The following ARHGEF28 variants were observed in gnomAD, a reference collection of about 807,000 sequenced individuals.
ARHGEF28 encodes the protein Rho guanine nucleotide exchange factor 28.
Under a neutral mutation model 206.6 loss-of-function variants are expected in ARHGEF28, and 152 were observed. The ratio of observed to expected loss-of-function variants is 0.74; its 90% CI spans 0.64 to 0.84. ARHGEF28 has a LOEUF of 0.84. Among genes scored for constraint, ARHGEF28 ranks in the 40% least tolerant of loss-of-function variants. The probability of loss-of-function intolerance (pLI) is 0.00; values close to 1 mark genes in which losing one functional copy is unlikely to be tolerated. For missense variants in ARHGEF28, 2,028 were observed against 2,073.2 expected (o/e 0.98, Z 0.42); for synonymous variants, 763 against 776.4 (o/e 0.98, Z 0.29).
intron 1 of ARHGEF28, among the ~76,000 whole-genome samples, chr5:73,641,677 C>T (rs1158932208): frequency 1.3e-5 from 2 of 152,116 alleles, no homozygotes; most frequent in Non-Finnish European, 2.9e-5. Context: ...ATTAGCAAAG[C>T]CTCTGAACAT....
At position 73,783,345 on chromosome 5, in the gene ARHGEF28, AGTGTGTGTGTGTGTGT is replaced by A. The variant is rs57320048; in HGVS notation, c.910+2625_910+2640del. Among the ~76,000 whole-genome samples, 27 of 145,910 alleles carry A rather than the reference AGTGTGTGTGTGTGTGT, an allele frequency of 1.9e-4. 1 individual carries two copies. The highest frequency in any genetic ancestry group is 6.8e-4 in the Admixed American group (10 of 14,642). ...AGCTCATTTTGAAGCCCTGGAATAT[AGTGTGTGTGTGTGTGT>A]GTGTGTGTGTGTGTGTGTGTGTGTA... On this transcript the variant is annotated intron_variant, in intron 7 of 35. Coordinates refer to ENST00000513042, the MANE Select transcript of ARHGEF28 (RefSeq NM_001177693.2).
chr5:73,834,727 C>T (rs1281988474), intron 10 of ARHGEF28, among the ~76,000 whole-genome samples: 1 of 151,886 alleles, frequency 6.6e-6, no homozygotes, highest in Non-Finnish European at 1.5e-5. Flanking sequence ...CCATTGTGTC[C>T]CAGTTGCCTA....
chr5:73,792,871 T>G (rs917699418), intron 7 of ARHGEF28, among the ~76,000 whole-genome samples: 2 of 152,120 alleles, frequency 1.3e-5, no homozygotes, highest in Non-Finnish European at 2.9e-5. Context: ...AGCAGGTCCT[T>G]GAAGGGTGAA....
chr5:73,743,731 TAGAC>T (rs1751567508), intron 2 of ARHGEF28, among the ~76,000 whole-genome samples: 3 of 152,202 alleles, frequency 2.0e-5, no homozygotes, highest in South Asian at 2.1e-4. Context: ...CTGTAACTGA[TAGAC>T]AGACTCCCCA....
intron 5 of ARHGEF28, 63 bp downstream of exon 5, chr5:73,774,101 A>C: frequency 7.0e-7 from 1 of 1,434,926 alleles, no homozygotes; most frequent in Non-Finnish European, 9.3e-7. Flanking sequence ...CATTATAGAA[A>C]AATGGAAATA....
At chr5:73,839,770 T>C (rs574952124) in intron 10 of ARHGEF28, among the ~76,000 whole-genome samples, 3 of 152,300 alleles carry the variant, frequency 2.0e-5, no homozygotes, top group Admixed American at 6.5e-5. Flanking sequence ...AATTTGAAAT[T>C]TGGGCATTTT....
intron 7 of ARHGEF28, among the ~76,000 whole-genome samples, chr5:73,787,303 G>A (rs1465009440): frequency 2.0e-5 from 3 of 152,134 alleles, no homozygotes; most frequent in Admixed American, 6.5e-5. Flanking sequence ...TGAAAATATT[G>A]TTTTCCTAGA....
intron 2 of ARHGEF28, among the ~76,000 whole-genome samples, chr5:73,702,420 A>T (rs1748657769): frequency 6.6e-6 from 1 of 152,020 alleles, no homozygotes; most frequent in South Asian, 2.1e-4. Flanking sequence ...CTGAGTGATA[A>T]CTCCTCATCC....
intron 33 of ARHGEF28, among the ~76,000 whole-genome samples, chr5:73,905,900 T>C (rs982045154): frequency 6.6e-6 from 1 of 152,256 alleles, no homozygotes; most frequent in African/African-American, 2.4e-5. Flanking sequence ...TTAGGGTATC[T>C]GATTATTTTA....
At chr5:73,679,992 G>A (rs1347161656) in intron 1 of ARHGEF28, among the ~76,000 whole-genome samples, 1 of 152,060 alleles carries the variant, frequency 6.6e-6, no homozygotes, top group Non-Finnish European at 1.5e-5. Context: ...TGTGCTTTTG[G>A]CTTCAAGTTC....
At chr5:73,924,445 A>G (rs1376381585) in intron 35 of ARHGEF28, among the ~76,000 whole-genome samples, 1 of 152,244 alleles carries the variant, frequency 6.6e-6, no homozygotes, top group Non-Finnish European at 1.5e-5. Context: ...TGATGATTAC[A>G]TAAAACAATG....
intron 9 of ARHGEF28, among the ~76,000 whole-genome samples, chr5:73,809,836 A>G (rs774186070): frequency 1.1e-4 from 17 of 152,320 alleles, no homozygotes; most frequent in South Asian, 2.1e-4. Context: ...GAAAGCATTC[A>G]TACTCTTACA....
intron 35 of ARHGEF28, among the ~76,000 whole-genome samples, chr5:73,915,257 A>G (rs1010459227): frequency 6.6e-6 from 1 of 152,134 alleles, no homozygotes; most frequent in Non-Finnish European, 1.5e-5. Context: ...CATTTTCAGT[A>G]TCATAAATAC....
chr5:73,813,401 A>G, intron 9 of ARHGEF28: 2 of 1,221,000 alleles, frequency 1.6e-6, no homozygotes, highest in Non-Finnish European at 2.2e-6. Context: ...TTGTCGGTCT[A>G]CACGCCTGAA....
chr5:73,918,805 C>G (rs1271251700), intron 35 of ARHGEF28, among the ~76,000 whole-genome samples: 1 of 152,172 alleles, frequency 6.6e-6, no homozygotes, highest in Non-Finnish European at 1.5e-5. Flanking sequence ...CTTCCCTTAG[C>G]TGGCTATGCA....
chr5:73,909,648 G>C lies in ARHGEF28; in HGVS notation c.4398G>C (p.Ala1466=). 1.3e-6 allele frequency: 2 copies of C among 1,547,232 alleles called. No individual in the cohort carries two copies. The highest frequency in any genetic ancestry group is 1.7e-6 in the Non-Finnish European group (2 of 1,145,590). The part of the protein sequence containing the change: ...RRCEQQQRAQ[A]TRESWLQERE... ...GTGAGCAGCAGCAGCGGGCGCAGGC[G>C]ACCAGGGAGAGCTGGCTGCAGGAGC... is the stretch of plus-strand genomic sequence containing the variant. Residue 1466 remains alanine, a synonymous_variant, in exon 34 of 36, where the codon GCG becomes GCC. Transcript: ENST00000513042.
At chr5:73,889,472 T>G (rs1283486373) in intron 26 of ARHGEF28, among the ~76,000 whole-genome samples, 2 of 152,238 alleles carry the variant, frequency 1.3e-5, no homozygotes, top group Non-Finnish European at 2.9e-5. Context: ...CTTAGAATAC[T>G]GAGTCTAGGA....
chr5:73,735,304 G>C (rs13357892), intron 2 of ARHGEF28, among the ~76,000 whole-genome samples: 7 of 151,590 alleles, frequency 4.6e-5, no homozygotes, highest in Admixed American at 4.6e-4. Context: ...TGCAAGTGCC[G>C]ATATATTTTA....
intron 1 of ARHGEF28, among the ~76,000 whole-genome samples, chr5:73,682,726 T>G (rs1021176981): frequency 6.6e-6 from 1 of 152,130 alleles, no homozygotes; most frequent in African/African-American, 2.4e-5. Context: ...AATTCATTCT[T>G]AAGAGAAGCC....
Sources: allele counts gnomAD v4.1 joint callset (sites outside exome capture counted in the v4.1 genomes callset), GRCh38; gene constraint gnomAD v4.1.1; transcripts MANE v1.5; gene names NCBI Gene and HGNC (gene_info 2026-07-23, HGNC 2026-07-21).